SUDS3: variants seen among roughly 807,000 people sequenced by gnomAD.
SUDS3 encodes sin3 histone deacetylase corepressor complex component SDS3.
Under a neutral mutation model 53.5 loss-of-function variants are expected in SUDS3, and 23 were observed. The observed-to-expected ratio is 0.43, with a 90% CI of 0.31 to 0.61. The LOEUF (loss-of-function observed/expected upper bound fraction) is 0.61, where lower values mean the gene tolerates loss of function less well. Ranked by LOEUF, SUDS3 falls within the 20% of genes least tolerant of loss-of-function variation. The pLI is 0.10. For synonymous variants in SUDS3, 150 were observed against 148.5 expected (o/e 1.01, Z -0.08); for missense variants, 291 against 405.9 (o/e 0.72, Z 2.43).
chr12:118,376,802 G>T lies in SUDS3; in HGVS notation c.111G>T (p.Glu37Asp). The T allele has an allele frequency of 6.4e-7, 1 of 1,552,540 alleles. No individual in the cohort carries two copies. The highest frequency in any genetic ancestry group is 8.7e-7 in the Non-Finnish European group (1 of 1,155,556). ...AGCTGGAGAGCGCCGAGGACGACGAGCGCAGCTGTCGGGGCCGCGAGTCGG... is the reference window on the plus strand; with the variant it reads ...AGCTGGAGAGCGCCGAGGACGACGATCGCAGCTGTCGGGGCCGCGAGTCGG... The part of the protein sequence containing the change: ...DEELESAEDD[E>D]RSCRGRESDE... The change falls in exon 1 of 12, where the codon GAG becomes GAT. Residue 37 changes from glutamate to aspartate, a missense_variant. Glu to Asp is a conservative substitution (Grantham distance 45, BLOSUM62 2). This residue lies in a region of SUDS3 where 149 missense variants were observed against 146.5 expected (regional missense o/e 1.02). Coordinates refer to ENST00000543473, the MANE Select transcript of SUDS3 (RefSeq NM_022491.3).
At chr12:118,405,921 C>G (rs1253038585) in intron 10 of SUDS3, among the ~76,000 whole-genome samples, 1 of 152,104 alleles carries the variant, frequency 6.6e-6, no homozygotes, top group Non-Finnish European at 1.5e-5. Context: ...TTGGTGCAGC[C>G]GTATTTTTGG....
chr12:118,412,647 C>G (rs564269931), intron 11 of SUDS3, among the ~76,000 whole-genome samples: 19 of 152,296 alleles, frequency 1.2e-4, no homozygotes, highest in Admixed American at 6.5e-5. Flanking sequence ...CTGGGTTGTT[C>G]CACAAGCACA....
chr12:118,401,820 G>T lies in SUDS3; in HGVS notation c.675G>T (p.Lys225Asn). ...TGGAGGATCTGAGAACATTAAATAA[G>T]GTACGGTTTGACTTTTTTGATTTAT... ...QIMEDLRTLNKLKSPKRPASP... is the reference protein window; with the variant it reads ...QIMEDLRTLNNLKSPKRPASP... The change falls in exon 8 of 12, where the codon AAG becomes AAT. Residue 225 changes from lysine (K) to asparagine (N), a missense_variant and splice_region_variant. By Grantham distance (94) the Lys-to-Asn change is moderately conservative. Coordinates refer to ENST00000543473, the MANE Select transcript of SUDS3 (RefSeq NM_022491.3). 6.2e-7 allele frequency: 1 copy of T among 1,613,638 alleles called. No individual in the cohort carries two copies. The highest frequency in any genetic ancestry group is 8.5e-7 in the Non-Finnish European group (1 of 1,179,694).
rs1362202212 is a variant in SUDS3 at position 118,380,188 on chromosome 12, C to G, written c.169C>G (p.Leu57Val). The G allele has an allele frequency of 2.5e-6, 4 of 1,609,254 alleles. No homozygotes were observed. The highest frequency in any genetic ancestry group is 2.2e-5 in the East Asian group (1 of 44,854). Residue 57 changes from leucine to valine, a missense_variant, in exon 2 of 12, where the codon CTG becomes GTG. Physicochemically the swap from Leu to Val is conservative, Grantham distance 32. Around this residue, in one of 4 missense-constraint regions of SUDS3, gnomAD observed 149 missense variants for 146.5 expected, o/e 1.02. Transcript: ENST00000543473. Reference sequence around the variant, plus strand: ...CACTGAGGATGCTAGTGAAACTGACCTGGCAAAGCATGATGAAGAAGACTA... The same window carrying G: ...CACTGAGGATGCTAGTGAAACTGACGTGGCAAAGCATGATGAAGAAGACTA... ...EDTEDASETD[L>V]AKHDEEDYVE...
chr12:118,392,095 G>A (rs957966909), intron 6 of SUDS3, among the ~76,000 whole-genome samples: 4 of 152,172 alleles, frequency 2.6e-5, no homozygotes, highest in African/African-American at 9.7e-5. Flanking sequence ...TTGGAACTTG[G>A]CAAATACTGC....
chr12:118,396,496 C>T (rs2046216617), intron 6 of SUDS3, among the ~76,000 whole-genome samples: 1 of 152,184 alleles, frequency 6.6e-6, no homozygotes, highest in African/African-American at 2.4e-5. Flanking sequence ...TCAAGCAATC[C>T]ACCCTCCTTG....
At position 118,417,707 on chromosome 12, in the gene SUDS3, A is replaced by G. The variant is rs1171529912; in HGVS notation, c.*3274A>G. ...TTTTTTTTTTTAAAGAAAACAATAA[A>G]CTTTCAAAGAGAAAACCAGCATGAA... On this transcript the variant is annotated 3_prime_UTR_variant, in exon 12 of 12. Coordinates refer to ENST00000543473, the MANE Select transcript of SUDS3 (RefSeq NM_022491.3). The G allele has an allele frequency of 6.6e-6, 1 of 151,816 alleles. No homozygotes were observed. Among genetic ancestry groups the G allele is most frequent in the Non-Finnish European group, 1.5e-5 (1 of 67,964 alleles). 9.4% of individuals were successfully genotyped at this position (151,816 alleles called of 1,614,324 possible). A position where few individuals can be genotyped will look rare whatever the true frequency, so the allele number is the denominator to read the frequency against.
intron 9 of SUDS3, 37 bp from the exon 10 acceptor site, chr12:118,403,375 T>G: frequency 6.6e-7 from 1 of 1,516,290 alleles, no homozygotes; most frequent in South Asian, 1.2e-5. Flanking sequence ...CATGTGTTTG[T>G]TACATTCTTA....
At chr12:118,396,487 C>T (rs1341893429) in intron 6 of SUDS3, among the ~76,000 whole-genome samples, 3 of 152,188 alleles carry the variant, frequency 2.0e-5, no homozygotes, top group East Asian at 1.9e-4. Flanking sequence ...CTCCTGGGCT[C>T]AAGCAATCCA....
At chr12:118,391,706 GCTTTGTTTTTT>G (rs1264737576) in intron 6 of SUDS3, among the ~76,000 whole-genome samples, 1 of 152,128 alleles carries the variant, frequency 6.6e-6, no homozygotes, top group Non-Finnish European at 1.5e-5. Flanking sequence ...GGAATCCCTC[GCTTTGTTTTTT>G]TCCAGTCTGC....
chr12:118,382,834 ATTT>A (rs56199413), intron 2 of SUDS3, among the ~76,000 whole-genome samples: 1 of 147,146 alleles, frequency 6.8e-6, no homozygotes, highest in African/African-American at 2.5e-5. Flanking sequence ...CGTCTGGCTA[ATTT>A]TTTTTTTTTA....
intron 1 of SUDS3, among the ~76,000 whole-genome samples, chr12:118,378,003 T>A (rs1163363093): frequency 6.6e-6 from 1 of 152,180 alleles, no homozygotes; most frequent in Non-Finnish European, 1.5e-5. Context: ...AGGGACTGCA[T>A]TCGATTTAAT....
At chr12:118,407,328 G>C (rs1413325239) in intron 10 of SUDS3, among the ~76,000 whole-genome samples, 1 of 152,212 alleles carries the variant, frequency 6.6e-6, no homozygotes, top group African/African-American at 2.4e-5. Context: ...TGCGGTTCAG[G>C]AGGGACCTGG....
intron 10 of SUDS3, among the ~76,000 whole-genome samples, chr12:118,410,595 T>A (rs1172512918): frequency 1.4e-5 from 2 of 144,106 alleles, no homozygotes; most frequent in Admixed American, 7.1e-5. Flanking sequence ...TTTATTTATT[T>A]ATTTATTTAT....
At chr12:118,398,500 A>G (rs1306584147) in intron 6 of SUDS3, among the ~76,000 whole-genome samples, 1 of 151,892 alleles carries the variant, frequency 6.6e-6, no homozygotes, top group South Asian at 2.1e-4. Flanking sequence ...TATACTTCCA[A>G]GTACACTTTT....
At chr12:118,386,752 C>CT (rs1160967844) in intron 4 of SUDS3, among the ~76,000 whole-genome samples, 5 of 152,128 alleles carry the variant, frequency 3.3e-5, no homozygotes, top group African/African-American at 1.2e-4. Context: ...ATTGCTTTGA[C>CT]TTTAGGACAC....
At position 118,376,850 on chromosome 12, in the gene SUDS3, G is replaced by T; in HGVS notation, c.142+17G>T. 1.3e-6 allele frequency: 2 copies of T among 1,481,828 alleles called. No homozygotes were observed. Among genetic ancestry groups the T allele is most frequent in the Non-Finnish European group, 1.8e-6 (2 of 1,119,788 alleles). 91.8% of individuals were successfully genotyped at this position (1,481,828 alleles called of 1,614,324 possible). On this transcript the variant is annotated intron_variant, in intron 1 of 11. Coordinates refer to ENST00000543473, the MANE Select transcript of SUDS3 (RefSeq NM_022491.3). ...CGGACGAAGGTGAGTCCTGCCGCTC[G>T]CCCGGCCGCCCGGAGCGGAGGTGGG...
At chr12:118,409,799 C>G (rs1459441868) in intron 10 of SUDS3, among the ~76,000 whole-genome samples, 1 of 152,254 alleles carries the variant, frequency 6.6e-6, no homozygotes, top group African/African-American at 2.4e-5. Context: ...GCTGATACTT[C>G]CAACTCTTGT....
Position 118,400,643 on chromosome 12 carries a change from T to G in SUDS3, c.518-16T>G. ...GTGGGAGTTGGATAGATTTACCCAT[T>G]CCATTCTTGCCACAGATTCTATGGA... On this transcript the variant is annotated splice_polypyrimidine_tract_variant and intron_variant, in intron 6 of 11. Transcript: ENST00000543473. 6.2e-7 allele frequency: 1 copy of G among 1,613,072 alleles called. No individual in the cohort carries two copies. The highest frequency in any genetic ancestry group is 8.5e-7 in the Non-Finnish European group (1 of 1,179,102).
Sources: gnomAD v4.1 joint callset for allele counts (sites outside exome capture counted in the v4.1 genomes callset) on GRCh38, gnomAD v4.1.1 for gene constraint, gnomAD v4.1.1 regional missense constraint, MANE v1.5 for transcripts, NCBI Gene and HGNC (gene_info 2026-07-23, HGNC 2026-07-21) for gene names.